The following DHX36 variants were observed in gnomAD, a reference collection of about 807,000 sequenced individuals.
DHX36 encodes the protein ATP-dependent DNA/RNA helicase DHX36.
A neutral mutation model predicts 139.0 loss-of-function variants in DHX36; 50 were observed. That is an observed-to-expected ratio of 0.36 (90% CI 0.29 to 0.46). DHX36 has a LOEUF of 0.46. Ranked by LOEUF, DHX36 falls within the 20% of genes least tolerant of loss-of-function variation. The probability of loss-of-function intolerance (pLI) is 1.00; values close to 1 mark genes in which losing one functional copy is unlikely to be tolerated. For missense variants in DHX36, 1,024 were observed against 1,211.3 expected, an observed-to-expected ratio of 0.85 and a Z score of 2.29; for synonymous variants, 425 against 401.9, an observed-to-expected ratio of 1.06 and a Z score of -0.69.
chr3:154,285,130 C>T, intron 17 of DHX36, 143 bp from the exon 18 acceptor site: 5 of 837,040 alleles, frequency 6.0e-6, no homozygotes, highest in Non-Finnish European at 9.0e-6. Flanking sequence ...TTTAGTTTTC[C>T]CTACCAAAAC....
chr3:154,278,292 AT>A (rs138222045), intron 22 of DHX36, among the ~76,000 whole-genome samples: 125 of 149,232 alleles, frequency 8.4e-4, no homozygotes, highest in African/African-American at 2.2e-3. Flanking sequence ...TTCCTAGGTC[AT>A]TTTTTTTTTG....
In DHX36 at chr3:154,292,726, A is replaced by AACACACACAC. The variant is rs58416816; in HGVS notation, c.1671-42_1671-33dup. The AACACACACAC allele has an allele frequency of 3.3e-4, 507 of 1,517,196 alleles. 1 individual carries two copies. In the African/African-American group the frequency reaches 5.8e-3, roughly 17 times the overall value. 94.0% of individuals were successfully genotyped at this position (1,517,196 alleles called of 1,614,324 possible). A position where few individuals can be genotyped will look rare whatever the true frequency, so the allele number is the denominator to read the frequency against. On this transcript the variant is annotated intron_variant, in intron 14 of 24. Transcript: ENST00000496811. ...GGAAAACAGATATATAAAATGTTAA[A>AACACACACAC]ACACACACACACACACACACACACA... is the stretch of plus-strand genomic sequence containing the variant.
chr3:154,298,790 C>A (rs1712143025), intron 12 of DHX36, among the ~76,000 whole-genome samples: 1 of 152,146 alleles, frequency 6.6e-6, no homozygotes, highest in South Asian at 2.1e-4. Flanking sequence ...TGGCAGGTGC[C>A]TGCAGTCCCA....
intron 13 of DHX36, among the ~76,000 whole-genome samples, chr3:154,294,361 G>A (rs931540941): frequency 6.6e-6 from 1 of 152,052 alleles, no homozygotes; most frequent in East Asian, 1.9e-4. Context: ...AAAGAAGATA[G>A]GTAATCAAGT....
Position 154,301,121 on chromosome 3 carries a change from A to C in DHX36, c.1224T>G (p.Val408=). 6.3e-7 allele frequency: 1 copy of C among 1,583,338 alleles called. No individual in the cohort carries two copies. Among genetic ancestry groups the C allele is most frequent in the Non-Finnish European group, 8.5e-7 (1 of 1,172,374 alleles). The part of the protein sequence containing the change: ...LEDVIEKIRY[V]PEQKEHRSQF... ...GGGATCTGTGTTCTTTTTGTTCTGGAACATACCTAAAATAAAAACATTCTT... is the reference window on the plus strand; with the variant it reads ...GGGATCTGTGTTCTTTTTGTTCTGGCACATACCTAAAATAAAAACATTCTT... The change falls in exon 10 of 25, where the codon GTT becomes GTG. Residue 408 remains valine (V), a synonymous_variant. Coordinates refer to ENST00000496811, the MANE Select transcript of DHX36 (RefSeq NM_020865.3).
At position 154,289,835 on chromosome 3, in the gene DHX36, AAAAAC is replaced by A. The variant is rs753455511; in HGVS notation, c.1815-14_1815-10del. ...AATGACCAGGTTGAACTCTTAAAAAAAAAACAAAACAAAATGAAACAAAGAGGGAC... is the reference window on the plus strand; with the variant it reads ...AATGACCAGGTTGAACTCTTAAAAAAAAAACAAAATGAAACAAAGAGGGAC... On this transcript the variant is annotated splice_polypyrimidine_tract_variant and intron_variant, in intron 15 of 24. Transcript: ENST00000496811. 1.3e-6 allele frequency: 2 copies of A among 1,526,518 alleles called. No individual in the cohort carries two copies. The highest frequency in any genetic ancestry group is 1.8e-6 in the Non-Finnish European group (2 of 1,120,548). The allele number at this position is 1,526,518 out of a possible 1,614,324, so 94.6% of individuals were successfully genotyped here.
chr3:154,319,526 T>C (rs992473630), intron 1 of DHX36, among the ~76,000 whole-genome samples: 2 of 152,186 alleles, frequency 1.3e-5, no homozygotes, highest in African/African-American at 4.8e-5. Context: ...TTTTCTCTTT[T>C]CTTTCTTGTT....
rs200451346 is a variant in DHX36 at position 154,324,254 on chromosome 3, C to G, written c.163G>C (p.Gly55Arg). Residue 55 changes from glycine (G) to arginine (R), a missense_variant, in exon 1 of 25, where the codon GGG becomes CGG. Gly to Arg is a moderately radical substitution (Grantham distance 125). Coordinates refer to ENST00000496811, the MANE Select transcript of DHX36 (RefSeq NM_020865.3). ...GGRGGRGRHP[G>R]HLKGREIGMW... ...CCGATTTCGCGGCCTTTCAGGTGCC[C>G]GGGATGCCGGCCCCTGCCGCCTCGA... is the stretch of plus-strand genomic sequence containing the variant. The G allele has an allele frequency of 4.3e-6, 7 of 1,613,526 alleles. No homozygotes were observed. Among genetic ancestry groups the G allele is most frequent in the Non-Finnish European group, 5.9e-6 (7 of 1,179,784 alleles).
At chr3:154,313,033 AATAAC>A (rs1712834953) in intron 3 of DHX36, among the ~76,000 whole-genome samples, 1 of 150,876 alleles carries the variant, frequency 6.6e-6, no homozygotes, top group Non-Finnish European at 1.5e-5. Context: ...AGTCATTTAA[AATAAC>A]AAAAGCTACC....
At chr3:154,317,069 C>A (rs1378199651) in intron 1 of DHX36, among the ~76,000 whole-genome samples, 1 of 151,878 alleles carries the variant, frequency 6.6e-6, no homozygotes, top group Non-Finnish European at 1.5e-5. Flanking sequence ...AGAAAGAAAC[C>A]ACAGGACTTA....
At position 154,304,872 on chromosome 3, in the gene DHX36, G is replaced by A. The variant is rs746199451; in HGVS notation, c.1069C>T (p.Arg357Ter). The A allele has an allele frequency of 1.2e-6, 2 of 1,609,284 alleles. No homozygotes were observed. Residue 357 changes from arginine to a stop codon, truncating the protein, a stop_gained, in exon 8 of 25, where the codon CGA (arginine) becomes TGA (stop). Coordinates refer to ENST00000496811, the MANE Select transcript of DHX36 (RefSeq NM_020865.3). LOFTEE classifies it high-confidence loss of function. ...ATCAATATTACTTTCAAGTCAGATC[G>A]AAAATTGAGAAGGTCTTTAACAACA... ...MTVVKDLLNFRSDLKVILMSA... is the reference protein window; with the variant it reads ...MTVVKDLLNF
At chr3:154,321,464 C>T (rs2108370947) in intron 1 of DHX36, among the ~76,000 whole-genome samples, 1 of 152,256 alleles carries the variant, frequency 6.6e-6, no homozygotes, top group East Asian at 1.9e-4. Flanking sequence ...TCTAAAATAC[C>T]TTGCCCTGAG....
At position 154,307,797 on chromosome 3, in the gene DHX36, C is replaced by CA. The variant is rs34088732; in HGVS notation, c.814-1503dup. On this transcript the variant is annotated intron_variant, in intron 5 of 24. Transcript: ENST00000496811. ...CCCAAAGGAAAAGAAATCAATGTGT[C>CA]AAAAAAAAAAAAATACTTGTCTTGC... Among the ~76,000 whole-genome samples the CA allele has an allele frequency of 7.2e-3, 1,008 of 140,244 alleles. 1 individual carries two copies. The highest frequency in any genetic ancestry group is 9.5e-3 in the Non-Finnish European group (602 of 63,404). The allele number at this position is 140,244 out of a possible 152,430, so 92.0% of individuals were successfully genotyped here.
chr3:154,289,321 GA>G (rs1394778207), intron 16 of DHX36, among the ~76,000 whole-genome samples: 1 of 152,132 alleles, frequency 6.6e-6, no homozygotes, highest in Non-Finnish European at 1.5e-5. Flanking sequence ...ACAAGATACT[GA>G]AATAAGTAGT....
rs1388559804 is a variant in DHX36 at position 154,280,594 on chromosome 3, C to T, written c.2552G>A (p.Gly851Asp). The T allele has an allele frequency of 1.2e-6, 2 of 1,608,854 alleles. No individual in the cohort carries two copies. The highest frequency in any genetic ancestry group is 1.7e-5 in the Admixed American group (1 of 59,308). The change falls in exon 22 of 25, where the codon GGT becomes GAT. Residue 851 changes from glycine (G) to aspartate (D), a missense_variant. Gly to Asp is a moderately conservative substitution (Grantham distance 94, BLOSUM62 -1). This residue lies in a region of DHX36 where 470 missense variants were observed against 616.2 expected (regional missense o/e 0.76). Coordinates refer to ENST00000496811, the MANE Select transcript of DHX36 (RefSeq NM_020865.3). ...CAATGCTTACATTTTTCTTTTTTTA[C>T]CCAAATTTAGTCGAATTTTAGCAAC... Reference protein sequence around the residue: ...PKVAKIRLNLGKKRKMVKVYT... With the variant: ...PKVAKIRLNLDKKRKMVKVYT...
intron 22 of DHX36, 142 bp from the exon 23 acceptor site, chr3:154,277,860 T>G: frequency 1.3e-6 from 1 of 761,428 alleles, no homozygotes; most frequent in Non-Finnish European, 1.9e-6. Context: ...AGAGAATAAT[T>G]CAGTTTATTT....
chr3:154,280,536 A>C, intron 22 of DHX36, 43 bp downstream of exon 22: 1 of 1,414,638 alleles, frequency 7.1e-7, no homozygotes, highest in Non-Finnish European at 9.9e-7. Flanking sequence ...CAAAAGTTTA[A>C]GAAGAGAATT....
At chr3:154,315,706 C>G (rs1452766113) in intron 2 of DHX36, among the ~76,000 whole-genome samples, 1 of 151,968 alleles carries the variant, frequency 6.6e-6, no homozygotes, top group Non-Finnish European at 1.5e-5. Flanking sequence ...TGATACAGTT[C>G]TTGTAATCTT....
chr3:154,291,764 A>G (rs1711821451), intron 15 of DHX36, among the ~76,000 whole-genome samples: 1 of 152,156 alleles, frequency 6.6e-6, no homozygotes, highest in African/African-American at 2.4e-5. Context: ...CTCTCATTCT[A>G]TCTGTAAGAG....
Sources: allele counts gnomAD v4.1 joint callset (sites outside exome capture counted in the v4.1 genomes callset), GRCh38; gene constraint gnomAD v4.1.1; regional missense constraint gnomAD v4.1.1; transcripts MANE v1.5; gene names NCBI Gene and HGNC (gene_info 2026-07-23, HGNC 2026-07-21).